Variants in MAP2K1 observed in about 807,000 individuals in gnomAD.
The protein encoded by MAP2K1 is dual specificity mitogen-activated protein kinase kinase 1.
In MAP2K1, 16 loss-of-function variants were observed where a neutral mutation model predicts 46.3. That is an observed-to-expected ratio of 0.35 (90% CI 0.23 to 0.52). The LOEUF (loss-of-function observed/expected upper bound fraction) is 0.52. Ranked by LOEUF, MAP2K1 falls within the 20% of genes least tolerant of loss-of-function variation. The pLI, the probability that MAP2K1 is intolerant of heterozygous loss-of-function variation, is 0.94. For synonymous variants in MAP2K1, 183 were observed against 185.6 expected, an observed-to-expected ratio of 0.99 and a Z score of 0.11; for missense variants, 263 against 497.1, an observed-to-expected ratio of 0.53 and a Z score of 4.48.
At chr15:66,460,940 T>C (rs1335713682) in intron 5 of MAP2K1, among the ~76,000 whole-genome samples, 2 of 152,190 alleles carry the variant, frequency 1.3e-5, no homozygotes, top group African/African-American at 4.8e-5. Flanking sequence ...CTGAGGCCCA[T>C]GGCCGTGCTC....
chr15:66,423,386 G>A (rs985478634), intron 1 of MAP2K1, among the ~76,000 whole-genome samples: 36 of 151,370 alleles, frequency 2.4e-4, no homozygotes, highest in Admixed American at 2.2e-3. Context: ...CTCTTGATAA[G>A]GTTGTTCCCC....
chr15:66,438,885 G>A (rs1405056717), intron 3 of MAP2K1, among the ~76,000 whole-genome samples: 1 of 152,194 alleles, frequency 6.6e-6, no homozygotes, highest in Non-Finnish European at 1.5e-5. Flanking sequence ...CTTGGAGCCT[G>A]CCATAGGACC....
In MAP2K1 at chr15:66,429,672, C is replaced by CG. The variant is rs1235805904; in HGVS notation, c.81-5355_81-5354insG. On this transcript the variant is annotated intron_variant, in intron 1 of 10. Transcript: ENST00000307102. ...TGGGTCTGCACTGCGGCGCCCCCCC[C>CG]CCCCCCGTCCCCCCCAACACAGATG... Among the ~76,000 whole-genome samples, 14 of 36,384 alleles carry CG rather than the reference C, an allele frequency of 3.8e-4. 2 individuals carry two copies. The highest frequency in any genetic ancestry group is 1.6e-3 in the African/African-American group (14 of 8,832). The allele number at this position is 36,384 out of a possible 152,430, so 23.9% of individuals were successfully genotyped here. A position where few individuals can be genotyped will look rare whatever the true frequency, so the allele number is the denominator to read the frequency against.
At chr15:66,433,219 A>T (rs2093479273) in intron 1 of MAP2K1, among the ~76,000 whole-genome samples, 1 of 152,196 alleles carries the variant, frequency 6.6e-6, no homozygotes, top group African/African-American at 2.4e-5. Flanking sequence ...CCCACACCTT[A>T]GGGACTGGGG....
chr15:66,408,739 A>G (rs1471459928), intron 1 of MAP2K1, among the ~76,000 whole-genome samples: 1 of 152,010 alleles, frequency 6.6e-6, no homozygotes, highest in Non-Finnish European at 1.5e-5. Context: ...TATGTCTTCT[A>G]CTGGGGATTC....
chr15:66,446,818 A>C (rs1006232841), intron 5 of MAP2K1: 9 of 247,808 alleles, frequency 3.6e-5, no homozygotes, highest in Non-Finnish European at 6.8e-5. Context: ...GCAGGCCTCC[A>C]TGGCATCCAA....
chr15:66,421,867 A>G (rs1707940905), intron 1 of MAP2K1, among the ~76,000 whole-genome samples: 1 of 139,286 alleles, frequency 7.2e-6, no homozygotes, highest in South Asian at 2.3e-4. Flanking sequence ...AGCCCCTACT[A>G]GAATGCCCTC....
At chr15:66,437,882 G>A (rs1018384583) in intron 3 of MAP2K1, among the ~76,000 whole-genome samples, 1 of 152,140 alleles carries the variant, frequency 6.6e-6, no homozygotes, top group Non-Finnish European at 1.5e-5. Context: ...CTCAATGAGA[G>A]CAGAGCATTC....
intron 1 of MAP2K1, among the ~76,000 whole-genome samples, chr15:66,406,561 T>C (rs1241665995): frequency 6.6e-6 from 1 of 152,214 alleles, no homozygotes; most frequent in Non-Finnish European, 1.5e-5. Context: ...AAAAGTTGTC[T>C]ATCAAAAACT....
intron 1 of MAP2K1, among the ~76,000 whole-genome samples, chr15:66,411,180 G>C (rs2093410540): frequency 6.6e-6 from 1 of 152,008 alleles, no homozygotes; most frequent in Non-Finnish European, 1.5e-5. Context: ...TGCGAATCCT[G>C]CCTGGATTGT....
intron 8 of MAP2K1, among the ~76,000 whole-genome samples, chr15:66,487,623 C>T (rs1305454696): frequency 6.6e-6 from 1 of 152,078 alleles, no homozygotes; most frequent in Non-Finnish European, 1.5e-5. Flanking sequence ...AAAAACACAT[C>T]GCTGTCACAG....
chr15:66,445,957 C>T (rs979105965), intron 5 of MAP2K1, among the ~76,000 whole-genome samples: 3 of 151,888 alleles, frequency 2.0e-5, no homozygotes, highest in African/African-American at 7.3e-5. Context: ...GGCACGGTGG[C>T]TCATGCCTGT....
At chr15:66,485,892 GTTTT>G (rs773735552) in intron 7 of MAP2K1, among the ~76,000 whole-genome samples, 14 of 151,452 alleles carry the variant, frequency 9.2e-5, no homozygotes, top group Admixed American at 2.0e-4. Context: ...TAATTTGTGG[GTTTT>G]TTTTGTTTTG....
At chr15:66,452,380 CAAG>C (rs947898284) in intron 5 of MAP2K1, among the ~76,000 whole-genome samples, 8 of 150,284 alleles carry the variant, frequency 5.3e-5, no homozygotes, top group African/African-American at 2.0e-4. Flanking sequence ...TTTCTACTGA[CAAG>C]AAAGTATCAA....
chr15:66,444,240 GA>G (rs995798631), intron 4 of MAP2K1, among the ~76,000 whole-genome samples: 43 of 124,894 alleles, frequency 3.4e-4, no homozygotes, highest in East Asian at 7.2e-4. Flanking sequence ...CTCTGTCTCA[GA>G]AAAAAAAAAA....
intron 5 of MAP2K1, among the ~76,000 whole-genome samples, chr15:66,455,169 G>T (rs937206537): frequency 1.3e-5 from 2 of 152,198 alleles, no homozygotes; most frequent in African/African-American, 4.8e-5. Flanking sequence ...CAGTCATGCA[G>T]ATATCAAGGG....
chr15:66,490,118 T>C, intron 10 of MAP2K1: 2 of 519,256 alleles, frequency 3.9e-6, no homozygotes, highest in Non-Finnish European at 7.0e-6. Context: ...GCTGTCTCGT[T>C]TGGTGGCAGT....
intron 5 of MAP2K1, among the ~76,000 whole-genome samples, chr15:66,479,279 C>T (rs1414607611): frequency 1.3e-5 from 2 of 151,896 alleles, no homozygotes; most frequent in Non-Finnish European, 2.9e-5. Context: ...TGTATCTTCA[C>T]TACAGAGAAG....
chr15:66,460,787 T>C (rs1892298459), intron 5 of MAP2K1, among the ~76,000 whole-genome samples: 1 of 151,826 alleles, frequency 6.6e-6, no homozygotes, highest in African/African-American at 2.4e-5. Context: ...TGAGTTAGGA[T>C]AGTGGCAGAG....
Sources: allele counts gnomAD v4.1 joint callset (sites outside exome capture counted in the v4.1 genomes callset), GRCh38; gene constraint gnomAD v4.1.1; transcripts MANE v1.5; gene names NCBI Gene and HGNC (gene_info 2026-07-23, HGNC 2026-07-21).